The following SLC35F1 variants were observed in gnomAD, a reference collection of about 807,000 sequenced individuals.
SLC35F1 encodes the protein chromosome 6 open reading frame 169.
Under a neutral mutation model 48.7 loss-of-function variants are expected in SLC35F1, and 14 were observed. That is an observed-to-expected ratio of 0.29 (90% CI 0.19 to 0.45). The LOEUF is 0.45. SLC35F1 is among the 20% of genes least tolerant of loss of function. The probability of loss-of-function intolerance (pLI) is 1.00; values close to 1 mark genes in which losing one functional copy is unlikely to be tolerated. For synonymous variants in SLC35F1, 190 were observed against 202.2 expected (o/e 0.94, Z 0.51); for missense variants, 404 against 500.0 (o/e 0.81, Z 1.83).
At chr6:118,071,744 C>T (rs977915326) in intron 1 of SLC35F1, among the ~76,000 whole-genome samples, 7 of 152,124 alleles carry the variant, frequency 4.6e-5, no homozygotes, top group South Asian at 2.1e-4. Flanking sequence ...TATTTAAGAG[C>T]GTCTCCATTG....
At chr6:118,077,662 G>T (rs1488131722) in intron 1 of SLC35F1, among the ~76,000 whole-genome samples, 1 of 152,208 alleles carries the variant, frequency 6.6e-6, no homozygotes, top group East Asian at 1.9e-4. Flanking sequence ...GCAGATTGAA[G>T]ATTTACAGTC....
At chr6:118,113,441 A>T (rs560228387) in intron 1 of SLC35F1, among the ~76,000 whole-genome samples, 79 of 150,754 alleles carry the variant, frequency 5.2e-4, no homozygotes, top group African/African-American at 1.9e-3. Flanking sequence ...TAAATGTACC[A>T]CTCTGGTGGT....
At chr6:118,198,440 A>C (rs1304743621) in intron 2 of SLC35F1, among the ~76,000 whole-genome samples, 1 of 152,190 alleles carries the variant, frequency 6.6e-6, no homozygotes, top group Non-Finnish European at 1.5e-5. Flanking sequence ...GCAAACAGGA[A>C]GACTTCCCTG....
Position 118,118,597 on chromosome 6 carries a change from A to T in SLC35F1, c.174-35848A>T, listed in dbSNP as rs575161379. On this transcript the variant is annotated intron_variant, in intron 1 of 7. Transcript: ENST00000360388. ...TTTCACATGCTTCATGCCCATTTGTATATTTTGTGAGACATCTCTTCAGAT... is the reference window on the plus strand; with the variant it reads ...TTTCACATGCTTCATGCCCATTTGTTTATTTTGTGAGACATCTCTTCAGAT... Among the ~76,000 whole-genome samples, 6 of 152,210 alleles carry T rather than the reference A, an allele frequency of 3.9e-5. No individual in the cohort carries two copies. In the South Asian group the frequency reaches 1.0e-3, roughly 26 times the overall value.
At chr6:118,250,164 C>G (rs2114602240) in intron 3 of SLC35F1, among the ~76,000 whole-genome samples, 1 of 152,298 alleles carries the variant, frequency 6.6e-6, no homozygotes, top group East Asian at 1.9e-4. Flanking sequence ...CTCTAACCAC[C>G]CTGTTTAAAA....
intron 2 of SLC35F1, among the ~76,000 whole-genome samples, chr6:118,185,543 A>G (rs546203994): frequency 6.6e-6 from 1 of 152,330 alleles, no homozygotes; most frequent in Admixed American, 6.5e-5. Context: ...CCTTATCCGT[A>G]TAGTAACCTG....
At chr6:117,970,834 A>G (rs556109267) in intron 1 of SLC35F1, among the ~76,000 whole-genome samples, 23 of 152,244 alleles carry the variant, frequency 1.5e-4, no homozygotes, top group African/African-American at 5.5e-4. Flanking sequence ...ATTAGTTCCT[A>G]CTGGGTCCCT....
chr6:118,162,752 C>T (rs566780847), intron 2 of SLC35F1, among the ~76,000 whole-genome samples: 4 of 152,120 alleles, frequency 2.6e-5, no homozygotes, highest in African/African-American at 7.2e-5. Flanking sequence ...AAAAATTGTA[C>T]CTGCATCAAG....
chr6:118,264,138 C>G (rs184385842), intron 3 of SLC35F1, among the ~76,000 whole-genome samples: 8 of 152,178 alleles, frequency 5.3e-5, no homozygotes, highest in Non-Finnish European at 1.2e-4. Context: ...CCTCCAGGGG[C>G]GTTTGCAAAT....
At position 117,907,707 on chromosome 6, in the gene SLC35F1, G is replaced by A. The variant is rs1354023068; in HGVS notation, c.-20G>A. On this transcript the variant is annotated 5_prime_UTR_variant, in exon 1 of 8. Coordinates refer to ENST00000360388, the MANE Select transcript of SLC35F1 (RefSeq NM_001029858.4). ...ACCCGGCTGCGTTCTGATCGCCGCC[G>A]CGCCTCAGCCTCTGCCGCGATGATC... The A allele has an allele frequency of 4.8e-6, 7 of 1,452,612 alleles. No homozygotes were observed. The highest frequency in any genetic ancestry group is 6.5e-6 in the Non-Finnish European group (7 of 1,081,730). 90.0% of individuals were successfully genotyped at this position (1,452,612 alleles called of 1,614,324 possible).
intron 2 of SLC35F1, among the ~76,000 whole-genome samples, chr6:118,232,692 C>T (rs1487634923): frequency 1.3e-5 from 2 of 151,736 alleles, no homozygotes. Flanking sequence ...GAAGAATAGT[C>T]CAAGCAGAGG....
intron 1 of SLC35F1, among the ~76,000 whole-genome samples, chr6:118,068,880 C>G (rs745466168): frequency 6.6e-6 from 1 of 152,068 alleles, no homozygotes; most frequent in Non-Finnish European, 1.5e-5. Flanking sequence ...AAACAAATTC[C>G]ATTATTTTCT....
chr6:118,238,263 A>G (rs987554736), intron 3 of SLC35F1, among the ~76,000 whole-genome samples: 3 of 152,082 alleles, frequency 2.0e-5, no homozygotes, highest in African/African-American at 4.8e-5. Context: ...CAAATTATGA[A>G]TAACGGAAAG....
chr6:118,314,306 T>C lies in SLC35F1; in HGVS notation c.*54T>C. On this transcript the variant is annotated 3_prime_UTR_variant, in exon 8 of 8. Transcript: ENST00000360388. ...AACTCATTGGCCATGTTTTTGCCCA[T>C]CATCTCTGTATTGTACATAGAGAAA... 1.3e-6 allele frequency: 2 copies of C among 1,510,510 alleles called. No homozygotes were observed. The highest frequency in any genetic ancestry group is 2.8e-5 in the African/African-American group (2 of 72,714). The allele number at this position is 1,510,510 out of a possible 1,614,324, so 93.6% of individuals were successfully genotyped here. A position where few individuals can be genotyped will look rare whatever the true frequency, so the allele number is the denominator to read the frequency against.
intron 2 of SLC35F1, among the ~76,000 whole-genome samples, chr6:118,214,405 G>C (rs1199284329): frequency 6.6e-6 from 1 of 152,096 alleles, no homozygotes; most frequent in Non-Finnish European, 1.5e-5. Flanking sequence ...GATTAAATTA[G>C]AGTGTGATTG....
intron 1 of SLC35F1, among the ~76,000 whole-genome samples, chr6:118,089,430 C>T (rs1372456867): frequency 6.6e-6 from 1 of 152,168 alleles, no homozygotes; most frequent in East Asian, 1.9e-4. Flanking sequence ...ATCTATGAGC[C>T]TTTTGCTAAA....
intron 2 of SLC35F1, among the ~76,000 whole-genome samples, chr6:118,217,111 T>C (rs1582734986): frequency 6.6e-6 from 1 of 152,218 alleles, no homozygotes; most frequent in Non-Finnish European, 1.5e-5. Context: ...AGGATCATCA[T>C]CTCAATTCCA....
At chr6:117,989,379 T>C (rs1229173255) in intron 1 of SLC35F1, among the ~76,000 whole-genome samples, 2 of 152,218 alleles carry the variant, frequency 1.3e-5, no homozygotes, top group Non-Finnish European at 2.9e-5. Context: ...TGCTTTCCAC[T>C]TGTAGCCTGT....
At chr6:118,249,755 C>A (rs574302368) in intron 3 of SLC35F1, among the ~76,000 whole-genome samples, 18 of 152,276 alleles carry the variant, frequency 1.2e-4, no homozygotes, top group South Asian at 4.1e-4. Flanking sequence ...TCATTCCTTT[C>A]TTCCCTCTTG....
Sources: gnomAD v4.1 joint callset for allele counts (sites outside exome capture counted in the v4.1 genomes callset) on GRCh38, gnomAD v4.1.1 for gene constraint, MANE v1.5 for transcripts, NCBI Gene and HGNC (gene_info 2026-07-23, HGNC 2026-07-21) for gene names.